The following PRKCE variants were observed in gnomAD, a reference collection of about 807,000 sequenced individuals.
PRKCE encodes protein kinase C epsilon type.
Under a neutral mutation model 85.4 loss-of-function variants are expected in PRKCE, and 16 were observed. The ratio of observed to expected loss-of-function variants is 0.19; its 90% CI spans 0.13 to 0.28. The LOEUF (loss-of-function observed/expected upper bound fraction) is 0.28, where lower values mean the gene tolerates loss of function less well. Among genes scored for constraint, PRKCE ranks in the 10% least tolerant of loss-of-function variants. The pLI is 1.00. For missense variants in PRKCE, 573 were observed against 975.2 expected (o/e 0.59, Z 5.49); for synonymous variants, 388 against 371.5 (o/e 1.04, Z -0.51).
chr2:45,744,465 C>CTT (rs1392651873), intron 1 of PRKCE, among the ~76,000 whole-genome samples: 47 of 54,024 alleles, frequency 8.7e-4, no homozygotes, highest in African/African-American at 3.7e-3. Context: ...TTCTTTCTTT[C>CTT]TTTCTTTCTT....
At chr2:46,150,863 C>T (rs991200255) in intron 12 of PRKCE, among the ~76,000 whole-genome samples, 178 bp from the exon 13 acceptor site, 3 of 152,204 alleles carry the variant, frequency 2.0e-5, no homozygotes, top group Non-Finnish European at 4.4e-5. Flanking sequence ...TGGCCCCCAG[C>T]ATAGTGCCTC....
intron 10 of PRKCE, among the ~76,000 whole-genome samples, chr2:46,016,909 CAA>C (rs10555423): frequency 0.67 from 78,390 of 117,742 alleles, 24,510 homozygotes; most frequent in African/African-American, 0.8. Flanking sequence ...GACTCTGTCT[CAA>C]AAAAAAAAAA....
intron 10 of PRKCE, among the ~76,000 whole-genome samples, chr2:46,043,238 T>A (rs1221839847): frequency 6.6e-6 from 1 of 152,206 alleles, no homozygotes; most frequent in African/African-American, 2.4e-5. Context: ...GTCCTTAATC[T>A]GTTCTAGGAG....
At chr2:45,869,897 G>A (rs557806501) in intron 2 of PRKCE, among the ~76,000 whole-genome samples, 13 of 151,950 alleles carry the variant, frequency 8.6e-5, no homozygotes, top group Middle Eastern at 3.4e-3. Flanking sequence ...TAGTAGAGAC[G>A]GGGTTTCACC....
intron 11 of PRKCE, among the ~76,000 whole-genome samples, chr2:46,133,912 C>T (rs1674706361): frequency 6.6e-6 from 1 of 152,142 alleles, no homozygotes; most frequent in African/African-American, 2.4e-5. Context: ...TAGTGAGGGG[C>T]TGCTTCAGGT....
chr2:46,106,500 T>C (rs1403399850), intron 11 of PRKCE, among the ~76,000 whole-genome samples: 2 of 152,194 alleles, frequency 1.3e-5, no homozygotes, highest in Non-Finnish European at 2.9e-5. Flanking sequence ...GCTTAAACAA[T>C]AGAAATGTAT....
intron 11 of PRKCE, among the ~76,000 whole-genome samples, chr2:46,130,743 C>G (rs1268493271): frequency 6.6e-6 from 1 of 152,224 alleles, no homozygotes; most frequent in Non-Finnish European, 1.5e-5. Context: ...AGCTAACCTA[C>G]CCACACGTAG....
intron 2 of PRKCE, among the ~76,000 whole-genome samples, chr2:45,930,993 A>AT (rs1474038792): frequency 6.6e-6 from 1 of 152,070 alleles, no homozygotes; most frequent in African/African-American, 2.4e-5. Context: ...CTGATCCTTC[A>AT]TTTCCTCCTG....
At chr2:46,183,828 A>C (rs1308722057) in intron 14 of PRKCE, among the ~76,000 whole-genome samples, 1 of 152,222 alleles carries the variant, frequency 6.6e-6, no homozygotes, top group African/African-American at 2.4e-5. Flanking sequence ...GATGTGTTCT[A>C]CACAGGACTA....
At chr2:45,828,145 A>G (rs1292124121) in intron 1 of PRKCE, among the ~76,000 whole-genome samples, 1 of 152,258 alleles carries the variant, frequency 6.6e-6, no homozygotes, top group Non-Finnish European at 1.5e-5. Flanking sequence ...GTTAAAAGGT[A>G]ACATTGTCTG....
At chr2:45,991,753 A>G (rs1703816746) in intron 6 of PRKCE, among the ~76,000 whole-genome samples, 1 of 152,260 alleles carries the variant, frequency 6.6e-6, no homozygotes, top group South Asian at 2.1e-4. Flanking sequence ...TGGTTGAATT[A>G]TACAAGGAGG....
chr2:46,021,564 T>C (rs1354190221), intron 10 of PRKCE, among the ~76,000 whole-genome samples: 1 of 152,116 alleles, frequency 6.6e-6, no homozygotes, highest in African/African-American at 2.4e-5. Flanking sequence ...AAACTGTCAA[T>C]TGTGTAGCCC....
At chr2:46,106,906 C>G (rs1671770673) in intron 11 of PRKCE, among the ~76,000 whole-genome samples, 1 of 152,174 alleles carries the variant, frequency 6.6e-6, no homozygotes, top group East Asian at 1.9e-4. Context: ...CCTTTCTTCC[C>G]CACCCTTCGA....
chr2:46,112,775 C>T (rs946207198), intron 11 of PRKCE, among the ~76,000 whole-genome samples: 1 of 152,188 alleles, frequency 6.6e-6, no homozygotes, highest in African/African-American at 2.4e-5. Context: ...CCACCTTGGC[C>T]TCCCAAAGTG....
chr2:46,036,542 A>T (rs1707874114), intron 10 of PRKCE, among the ~76,000 whole-genome samples: 1 of 152,152 alleles, frequency 6.6e-6, no homozygotes, highest in Non-Finnish European at 1.5e-5. Context: ...GTGAGCCATG[A>T]TCGCGCCACT....
chr2:45,964,268 C>T (rs1311824229), intron 2 of PRKCE, among the ~76,000 whole-genome samples: 3 of 152,176 alleles, frequency 2.0e-5, no homozygotes, highest in Non-Finnish European at 4.4e-5. Flanking sequence ...GTCCACAGGC[C>T]CGTTTTAATA....
chr2:46,005,720 C>G (rs59427010), intron 8 of PRKCE, among the ~76,000 whole-genome samples: 38,311 of 152,020 alleles, frequency 0.25, 4,936 homozygotes, highest in South Asian at 0.31. Context: ...GGGTCATGCA[C>G]CAGCCCTGAG....
rs35088567 is a variant in PRKCE, at chr2:46,001,252, CATATAT to C, written c.824-137_824-132del. 177 of 366,606 alleles carry C rather than the reference CATATAT, an allele frequency of 4.8e-4. 4 individuals carry two copies. Among genetic ancestry groups the C allele is most frequent in the African/African-American group, 3.8e-3 (165 of 43,362 alleles). 22.7% of individuals were successfully genotyped at this position (366,606 alleles called of 1,614,324 possible). ...GATTTTGGTTTTGTATGATGGAAGA[CATATAT>C]ATATATATATATATTTCTGTATTTT... is the stretch of plus-strand genomic sequence containing the variant. On this transcript the variant is annotated intron_variant, in intron 6 of 14. Coordinates refer to ENST00000306156, the MANE Select transcript of PRKCE (RefSeq NM_005400.3). This position sits in a 1 kb window ranked among gnomAD's most constrained non-coding sequence, Gnocchi z 4.4.
rs550337956 is a variant in PRKCE at position 45,850,210 on chromosome 2, C to T, written c.412+7147C>T. ...AGAGCCTCCTTCCCCTCTGCCATTA[C>T]AGGAGCGTAGATATATATTTCCTTT... On this transcript the variant is annotated intron_variant, in intron 2 of 14. Transcript: ENST00000306156. 7.9e-5 allele frequency among the ~76,000 whole-genome samples: 12 copies of T among 152,334 alleles called. No individual in the cohort carries two copies. In the East Asian group the frequency reaches 1.9e-3, roughly 24 times the overall value.
Sources: gnomAD v4.1 joint callset for allele counts (sites outside exome capture counted in the v4.1 genomes callset) on GRCh38, gnomAD v4.1.1 for gene constraint, Gnocchi (gnomAD v3.1) non-coding constraint, MANE v1.5 for transcripts, NCBI Gene and HGNC (gene_info 2026-07-23, HGNC 2026-07-21) for gene names.